SLC25A48: variants seen among roughly 807,000 people sequenced by gnomAD.
SLC25A48 encodes the protein CTC-321K16.1.
Under a neutral mutation model 32.2 loss-of-function variants are expected in SLC25A48, and 29 were observed. The ratio of observed to expected loss-of-function variants is 0.90; its 90% confidence interval spans 0.67 to 1.23. The LOEUF (loss-of-function observed/expected upper bound fraction) is 1.23. Ranked by LOEUF, SLC25A48 falls within the 50% of genes most tolerant of loss-of-function variation. The pLI, the probability that SLC25A48 is intolerant of heterozygous loss-of-function variation, is 0.00. For missense variants in SLC25A48, 399 were observed against 422.7 expected (o/e 0.94, Z 0.49); for synonymous variants, 164 against 172.3 (o/e 0.95, Z 0.38).
chr5:135,771,213 G>A (rs1056281603), intron 3 of SLC25A48, among the ~76,000 whole-genome samples: 16 of 151,528 alleles, frequency 1.1e-4, no homozygotes, highest in African/African-American at 3.9e-4. Flanking sequence ...TAATAGCCGG[G>A]GGGGAGAAGG....
At chr5:135,883,581 A>T in intron 7 of SLC25A48, 1 of 690,762 alleles carries the variant, frequency 1.4e-6, no homozygotes, top group Non-Finnish European at 1.8e-6. Flanking sequence ...CACACAGGTG[A>T]GGAGAGAAAC....
intron 3 of SLC25A48, among the ~76,000 whole-genome samples, chr5:135,748,644 G>A (rs1755697407): frequency 6.6e-6 from 1 of 152,118 alleles, no homozygotes; most frequent in African/African-American, 2.4e-5. Context: ...AGTTCTCACA[G>A]CCAGCAGGCT....
intron 3 of SLC25A48, among the ~76,000 whole-genome samples, chr5:135,764,089 C>G (rs1294902748): frequency 6.6e-6 from 1 of 152,058 alleles, no homozygotes; most frequent in African/African-American, 2.4e-5. Flanking sequence ...GATATTACTC[C>G]CCATATCGCA....
intron 1 of SLC25A48, among the ~76,000 whole-genome samples, chr5:135,604,227 AGAT>A (rs1751876869): frequency 6.6e-6 from 1 of 152,202 alleles, no homozygotes; most frequent in Non-Finnish European, 1.5e-5. Flanking sequence ...AGGCACAGGT[AGAT>A]AATTAACTGC....
At chr5:135,828,130 G>A (rs1758111949) in intron 4 of SLC25A48, among the ~76,000 whole-genome samples, 1 of 152,244 alleles carries the variant, frequency 6.6e-6, no homozygotes, top group Non-Finnish European at 1.5e-5. Flanking sequence ...TTCCCATGCT[G>A]CAGAGCTCTC....
intron 3 of SLC25A48, among the ~76,000 whole-genome samples, chr5:135,807,579 G>A (rs2126648321): frequency 6.7e-6 from 1 of 150,238 alleles, no homozygotes; most frequent in South Asian, 2.1e-4. Context: ...TAATAGTATA[G>A]TGTTAAAACT....
intron 5 of SLC25A48, chr5:135,872,659 T>A (rs994911763): frequency 2.0e-5 from 3 of 152,258 alleles, no homozygotes. Context: ...AACAGAGCCA[T>A]AGCCAGAAGG....
At chr5:135,718,941 T>C (rs576524170) in intron 3 of SLC25A48, among the ~76,000 whole-genome samples, 1 of 152,168 alleles carries the variant, frequency 6.6e-6, no homozygotes, top group African/African-American at 2.4e-5. Context: ...CAAAACTATA[T>C]GTGTGATAGA....
intron 3 of SLC25A48, among the ~76,000 whole-genome samples, chr5:135,746,994 G>A (rs55999148): frequency 7.6e-6 from 1 of 132,100 alleles, no homozygotes; most frequent in Non-Finnish European, 1.6e-5. Context: ...AGTATTTTTT[G>A]TTGTTGTTTT....
At chr5:135,887,485 C>T (rs1246347737) in intron 7 of SLC25A48, among the ~76,000 whole-genome samples, 2 of 151,898 alleles carry the variant, frequency 1.3e-5, no homozygotes, top group Non-Finnish European at 2.9e-5. Context: ...TATACACACA[C>T]ACACATATAT....
chr5:135,842,292 C>G, intron 1 of SLC25A48, 124 bp from the exon 2 acceptor site: 1 of 961,992 alleles, frequency 1.0e-6, no homozygotes, highest in South Asian at 1.4e-5. Context: ...TTGGAGCCCA[C>G]CCACTCCCCC....
intron 3 of SLC25A48, among the ~76,000 whole-genome samples, chr5:135,690,192 A>G (rs1014228287): frequency 3.3e-5 from 5 of 152,224 alleles, no homozygotes; most frequent in African/African-American, 1.2e-4. Flanking sequence ...TCTTATCTGC[A>G]AAATGGAGAT....
At chr5:135,792,369 C>T (rs1290616826) in intron 3 of SLC25A48, among the ~76,000 whole-genome samples, 3 of 151,388 alleles carry the variant, frequency 2.0e-5, no homozygotes, top group African/African-American at 7.3e-5. Context: ...CATGTGTGTA[C>T]ACCACAGGGG....
chr5:135,591,900 G>A (rs1250781955), intron 1 of SLC25A48, among the ~76,000 whole-genome samples: 1 of 152,170 alleles, frequency 6.6e-6, no homozygotes, highest in Non-Finnish European at 1.5e-5. Flanking sequence ...GATCACTCAG[G>A]CTCTGTGAGC....
At chr5:135,800,852 T>A (rs991467521) in intron 3 of SLC25A48, among the ~76,000 whole-genome samples, 4 of 151,124 alleles carry the variant, frequency 2.6e-5, no homozygotes, top group African/African-American at 9.7e-5. Context: ...TGTGATATGG[T>A]TCGTAACATC....
intron 2 of SLC25A48, among the ~76,000 whole-genome samples, chr5:135,633,182 C>T (rs1230894455): frequency 6.6e-6 from 1 of 152,030 alleles, no homozygotes; most frequent in African/African-American, 2.4e-5. Context: ...AGAAAGTGGG[C>T]TGTACGGTTT....
chr5:135,786,914 C>T (rs1173825544), intron 3 of SLC25A48, among the ~76,000 whole-genome samples: 1 of 152,034 alleles, frequency 6.6e-6, no homozygotes, highest in African/African-American at 2.4e-5. Flanking sequence ...CATGTGTGTA[C>T]ATCCTGTGAT....
chr5:135,649,329 C>A (rs1003574823), intron 3 of SLC25A48: 2 of 152,162 alleles, frequency 1.3e-5, no homozygotes, highest in African/African-American at 4.8e-5. Context: ...GGCTAGGGCA[C>A]CCCTCATGAG....
intron 3 of SLC25A48, among the ~76,000 whole-genome samples, chr5:135,654,720 T>C (rs1185151618): frequency 1.3e-5 from 2 of 152,216 alleles, no homozygotes; most frequent in African/African-American, 2.4e-5. Context: ...ATAAAGGAGA[T>C]TACCTTTCAT....
Sources: allele counts gnomAD v4.1 joint callset (sites outside exome capture counted in the v4.1 genomes callset), GRCh38; gene constraint gnomAD v4.1.1; transcripts MANE v1.5; gene names NCBI Gene and HGNC (gene_info 2026-07-23, HGNC 2026-07-21).